The following ZNF837 variants were observed in gnomAD, a reference collection of about 807,000 sequenced individuals.
The protein encoded by ZNF837 is zinc finger protein 837.
For missense variants in ZNF837, 955 were observed against 801.7 expected, an observed-to-expected ratio of 1.19 and a Z score of -2.31; for synonymous variants, 475 against 365.2, an observed-to-expected ratio of 1.30 and a Z score of -3.43.
At chr19:58,370,164 C>T (rs2052186872) in intron 1 of ZNF837, among the ~76,000 whole-genome samples, 1 of 152,222 alleles carries the variant, frequency 6.6e-6, no homozygotes, top group Admixed American at 6.5e-5. Flanking sequence ...GTCGTAAGTC[C>T]TAAGTGAAGG....
chr19:58,368,584 G>C lies in ZNF837; in HGVS notation c.749C>G (p.Pro250Arg). Residue 250 changes from proline to arginine, a missense_variant, in exon 3 of 3, where the codon CCT (proline) becomes CGT (arginine). Pro to Arg is a moderately radical substitution (Grantham distance 103). Coordinates refer to ENST00000597582, the MANE Select transcript of ZNF837 (RefSeq NM_138466.2). ...AGGTCGCGAGGTTTGGCCGCACTCA[G>C]GACACACTGGGGGACTCTTGCCCGC... ...QQAGKSPPVC[P>R]ECGQTSRPRP... is the part of the protein sequence containing the mutation. The C allele has an allele frequency of 2.6e-6, 4 of 1,536,048 alleles. No homozygotes were observed. Among genetic ancestry groups the C allele is most frequent in the Non-Finnish European group, 3.5e-6 (4 of 1,144,862 alleles).
At chr19:58,371,133 C>G (rs1270832316) in intron 1 of ZNF837, among the ~76,000 whole-genome samples, 1 of 150,838 alleles carries the variant, frequency 6.6e-6, no homozygotes, top group East Asian at 2.0e-4. Context: ...CCCAGCTACT[C>G]GGGAGGCTGC....
chr19:58,377,234 T>G (rs1355598299), intron 1 of ZNF837, among the ~76,000 whole-genome samples: 4 of 101,490 alleles, frequency 3.9e-5, no homozygotes, highest in Non-Finnish European at 6.0e-5. Flanking sequence ...AAAAAAAGGC[T>G]GGGCGCAGTG....
chr19:58,379,670 G>C (rs200392874), intron 1 of ZNF837, among the ~76,000 whole-genome samples: 1 of 152,200 alleles, frequency 6.6e-6, no homozygotes, highest in African/African-American at 2.4e-5. Context: ...CTGGTGTTGG[G>C]AACAGGATGC....
intron 1 of ZNF837, among the ~76,000 whole-genome samples, chr19:58,375,286 A>AAG (rs1568568336): frequency 1.6e-5 from 1 of 61,542 alleles, no homozygotes; most frequent in Non-Finnish European, 3.6e-5. Context: ...ATATATATAT[A>AAG]TATATATATA....
rs371656322 is a variant in ZNF837, at chr19:58,376,906, C to T, written c.-140+4035G>A. Among the ~76,000 whole-genome samples the T allele has an allele frequency of 7.7e-4, 111 of 144,290 alleles. No individual in the cohort carries two copies. The South Asian group carries it at 0.024, about 31-fold the overall frequency. 94.7% of individuals were successfully genotyped at this position (144,290 alleles called of 152,430 possible). On this transcript the variant is annotated intron_variant, in intron 1 of 2. Transcript: ENST00000597582. ...ACCAGCCTGGGCAGTATGGTGAAAC[C>T]CTGTCTCTATTAAAAAAAAAAAAAA...
At position 58,368,284 on chromosome 19, in the gene ZNF837, C is replaced by G. The variant is rs1049023126; in HGVS notation, c.1049G>C (p.Arg350Pro). 3.4e-6 allele frequency: 5 copies of G among 1,481,108 alleles called. No homozygotes were observed. The highest frequency in any genetic ancestry group is 2.5e-5 in the East Asian group (1 of 39,562). 91.7% of individuals were successfully genotyped at this position (1,481,108 alleles called of 1,614,324 possible). A position where few individuals can be genotyped will look rare whatever the true frequency, so the allele number is the denominator to read the frequency against. The change falls in exon 3 of 3, where the codon CGG (arginine) becomes CCG (proline). Residue 350 changes from arginine (R) to proline (P), a missense_variant. By Grantham distance (103) the Arg-to-Pro change is moderately radical. Transcript: ENST00000597582. ...GCPPCGDYSERSPRRGSGAGE... is the reference protein window; with the variant it reads ...GCPPCGDYSEPSPRRGSGAGE... ...GGCTCCCGACCCCCGTCGGGGACTC[C>G]GCTCGCTGTAGTCCCCGCAGGGCGG... is the stretch of plus-strand genomic sequence containing the variant.
intron 1 of ZNF837, among the ~76,000 whole-genome samples, chr19:58,374,731 C>G (rs1035775800): frequency 6.6e-6 from 1 of 152,094 alleles, no homozygotes; most frequent in Non-Finnish European, 1.5e-5. Context: ...GAGGCCAGTT[C>G]GAGACCAGCC....
chr19:58,375,442 T>C (rs1041718661), intron 1 of ZNF837, among the ~76,000 whole-genome samples: 6 of 150,946 alleles, frequency 4.0e-5, no homozygotes, highest in African/African-American at 1.5e-4. Flanking sequence ...ATTTTTGTTT[T>C]GTTTTGTTTT....
chr19:58,369,387 G>T (rs1354036783), intron 2 of ZNF837, 26 bp from the exon 3 acceptor site: 26 of 1,319,040 alleles, frequency 2.0e-5, no homozygotes, highest in Non-Finnish European at 2.5e-5. Flanking sequence ...AGAAATGGAG[G>T]TTGGCGGTTC....
chr19:58,373,546 G>A (rs908778740), intron 1 of ZNF837, among the ~76,000 whole-genome samples: 2 of 152,250 alleles, frequency 1.3e-5, no homozygotes, highest in Admixed American at 1.3e-4. Context: ...GTGGATCTGA[G>A]TCTGAGGCTA....
chr19:58,376,777 C>T (rs1402314679), intron 1 of ZNF837, among the ~76,000 whole-genome samples: 1 of 152,062 alleles, frequency 6.6e-6, no homozygotes. Context: ...TGTTAATTCA[C>T]TCATATCAAA....
Position 58,368,012 on chromosome 19 carries a change from G to C in ZNF837, c.1321C>G (p.His441Asp). 3.3e-6 allele frequency: 5 copies of C among 1,533,898 alleles called. No homozygotes were observed. Among genetic ancestry groups the C allele is most frequent in the Non-Finnish European group, 2.6e-6 (3 of 1,144,840 alleles). Residue 441 changes from histidine (H) to aspartate (D), a missense_variant, in exon 3 of 3, where the codon CAC becomes GAC. Coordinates refer to ENST00000597582, the MANE Select transcript of ZNF837 (RefSeq NM_138466.2). ...CAGCCATAGGGCCGCTCGCCGGTGT[G>C]CGCGCGCTGGTGTTGCACCAGGCCC... is the stretch of plus-strand genomic sequence containing the variant. ...RSGLVQHQRAHTGERPYGCSE... is the reference protein window; with the variant it reads ...RSGLVQHQRADTGERPYGCSE...
At chr19:58,376,408 A>G (rs1247150237) in intron 1 of ZNF837, among the ~76,000 whole-genome samples, 1 of 151,580 alleles carries the variant, frequency 6.6e-6, no homozygotes, top group Non-Finnish European at 1.5e-5. Flanking sequence ...ACAAAAAATT[A>G]GCCGGGTGTG....
intron 1 of ZNF837, among the ~76,000 whole-genome samples, chr19:58,377,896 C>T (rs1053936061): frequency 6.6e-6 from 1 of 152,218 alleles, no homozygotes; most frequent in Non-Finnish European, 1.5e-5. Context: ...CAGTATCTGG[C>T]GTTTCTCACA....
intron 1 of ZNF837, among the ~76,000 whole-genome samples, chr19:58,371,240 C>CA (rs369666456): frequency 0.42 from 41,861 of 99,410 alleles, 9,185 homozygotes; most frequent in Non-Finnish European, 0.49. Flanking sequence ...GACTCTGTCT[C>CA]AAAAAAAAAA....
Position 58,367,982 on chromosome 19 carries a change from CG to C in ZNF837, c.1350del (p.Glu451SerfsTer?). The C allele has an allele frequency of 6.5e-7, 1 of 1,532,100 alleles. No individual in the cohort carries two copies. The highest frequency in any genetic ancestry group is 8.7e-7 in the Non-Finnish European group (1 of 1,143,816). 94.9% of individuals were successfully genotyped at this position (1,532,100 alleles called of 1,614,324 possible). On this transcript the variant is annotated frameshift_variant, in exon 3 of 3. Coordinates refer to ENST00000597582, the MANE Select transcript of ZNF837 (RefSeq NM_138466.2). LOFTEE classifies it low-confidence loss of function (END_TRUNC). ...AHTGERPYGC[S>X]ECGKTFRGCS... ...CAGCCGCGGAAGGTCTTTCCGCACT[CG>C]GAGCAGCCATAGGGCCGCTCGCCGG...
intron 1 of ZNF837, among the ~76,000 whole-genome samples, chr19:58,380,532 C>T (rs1487821227): frequency 6.6e-6 from 1 of 152,236 alleles, no homozygotes; most frequent in East Asian, 1.9e-4. Context: ...GGCATGAAAC[C>T]GGTCTGCAGA....
chr19:58,376,319 G>A (rs111924969), intron 1 of ZNF837, among the ~76,000 whole-genome samples: 4 of 151,828 alleles, frequency 2.6e-5, no homozygotes, highest in African/African-American at 9.7e-5. Context: ...TTGGGAGGCC[G>A]AGGCGGGCGG....
Sources: gnomAD v4.1 joint callset for allele counts (sites outside exome capture counted in the v4.1 genomes callset) on GRCh38, gnomAD v4.1.1 for gene constraint, MANE v1.5 for transcripts, NCBI Gene and HGNC (gene_info 2026-07-23, HGNC 2026-07-21) for gene names.